The following GRHL2 variants were observed in gnomAD, a reference collection of about 807,000 sequenced individuals.
The protein encoded by GRHL2 is grainyhead-like protein 2 homolog.
Under a neutral mutation model 83.8 loss-of-function variants are expected in GRHL2, and 21 were observed. The observed-to-expected ratio is 0.25, with a 90% confidence interval of 0.18 to 0.36. The LOEUF (loss-of-function observed/expected upper bound fraction) is 0.36, where lower values mean the gene tolerates loss of function less well. GRHL2 is among the 10% of genes least tolerant of loss of function. The probability of loss-of-function intolerance (pLI) is 1.00; values close to 1 mark genes in which losing one functional copy is unlikely to be tolerated. For missense variants in GRHL2, 623 were observed against 781.8 expected, an observed-to-expected ratio of 0.80 and a Z score of 2.42; for synonymous variants, 280 against 278.9, an observed-to-expected ratio of 1.00 and a Z score of -0.04.
rs1055731043 is a variant in GRHL2, at chr8:101,509,637, G to GAT, written c.20+16859_20+16860dup. 1.7e-4 allele frequency among the ~76,000 whole-genome samples: 26 copies of GAT among 152,072 alleles called. 1 individual carries two copies. Among genetic ancestry groups the GAT allele is most frequent in the Admixed American group, 7.9e-4 (12 of 15,270 alleles). On this transcript the variant is annotated intron_variant, in intron 1 of 15. Coordinates refer to ENST00000646743, the MANE Select transcript of GRHL2 (RefSeq NM_024915.4). The stretch of plus-strand genomic sequence containing the variant: ...TTTTCCTCTTATGGTTAGCCTTTTA[G>GAT]ATATATATATATTTTTTCCTCTACA...
At chr8:101,600,973 G>A (rs1251974397) in intron 8 of GRHL2, among the ~76,000 whole-genome samples, 2 of 152,078 alleles carry the variant, frequency 1.3e-5, no homozygotes, top group African/African-American at 4.8e-5. Context: ...CCTGGGTAAA[G>A]TAGGGAGACC....
chr8:101,507,459 A>G (rs1243903335), intron 1 of GRHL2, among the ~76,000 whole-genome samples: 1 of 152,160 alleles, frequency 6.6e-6, no homozygotes, highest in Non-Finnish European at 1.5e-5. Flanking sequence ...GTATCAGAAA[A>G]TAACACTTTT....
At chr8:101,570,431 A>G (rs1461506863) in intron 5 of GRHL2, 37 bp downstream of exon 5, 25 of 1,497,526 alleles carry the variant, frequency 1.7e-5, no homozygotes, top group Non-Finnish European at 2.2e-5. Context: ...GAAACTGATT[A>G]ACTGATAAAC....
chr8:101,634,131 C>G (rs993977236), intron 11 of GRHL2, among the ~76,000 whole-genome samples: 1 of 152,108 alleles, frequency 6.6e-6, no homozygotes, highest in African/African-American at 2.4e-5. Context: ...CCAATCAGCA[C>G]CCCCCTGTAT....
At chr8:101,678,561 G>A in the GRHL2 span, among the ~76,000 whole-genome samples, 1 of 151,714 alleles carries the variant, frequency 6.6e-6, no homozygotes, top group Non-Finnish European at 1.5e-5. Flanking sequence ...CGGGAAGCTC[G>A]AACTGGGTGG....
At position 101,592,100 on chromosome 8, in the gene GRHL2, C is replaced by CTTTTTTTTTTT. The variant is rs11382067; in HGVS notation, c.1004-6945_1004-6935dup. On this transcript the variant is annotated intron_variant, in intron 7 of 15. Transcript: ENST00000646743. ...GTACAGCACTTTCTTTCTTTCTTTT[C>CTTTTTTTTTTT]TTTTTTTTTTTTTTTTTTTTTTGAG... Among the ~76,000 whole-genome samples the CTTTTTTTTTTT allele has an allele frequency of 2.5e-3, 222 of 90,298 alleles. 6 individuals are homozygous for CTTTTTTTTTTT. Among genetic ancestry groups the CTTTTTTTTTTT allele is most frequent in the African/African-American group, 4.3e-3 (95 of 21,910 alleles). The allele number at this position is 90,298 out of a possible 152,430, so 59.2% of individuals were successfully genotyped here.
chr8:101,536,677 G>A (rs1811052204), intron 1 of GRHL2, among the ~76,000 whole-genome samples: 1 of 152,138 alleles, frequency 6.6e-6, no homozygotes, highest in Non-Finnish European at 1.5e-5. Flanking sequence ...GAGTGACTGG[G>A]GACAGATAAT....
In GRHL2 at chr8:101,669,254, C is replaced by CTTTTTTTCTTTTTTTTTTTTTT. The variant is rs538261454; in HGVS notation, c.*2558_*2559insCTTTTTTTTTTTTTTTTTTTTT. 3 of 126,624 alleles carry CTTTTTTTCTTTTTTTTTTTTTT rather than the reference C, an allele frequency of 2.4e-5. No homozygotes were observed. Among genetic ancestry groups the CTTTTTTTCTTTTTTTTTTTTTT allele is most frequent in the Non-Finnish European group, 4.9e-5 (3 of 61,468 alleles). The allele number at this position is 126,624 out of a possible 1,614,324, so 7.8% of individuals were successfully genotyped here. A position where few individuals can be genotyped will look rare whatever the true frequency, so the allele number is the denominator to read the frequency against. Reference sequence around the variant, plus strand: ...GGACATGTGAAATGAGCATTTTTTTCTTTTTTTTTTTTAACAAAGTCTGAA... The same window carrying CTTTTTTTCTTTTTTTTTTTTTT: ...GGACATGTGAAATGAGCATTTTTTTCTTTTTTTCTTTTTTTTTTTTTTTTTTTTTTTTTTAACAAAGTCTGAA... On this transcript the variant is annotated 3_prime_UTR_variant, in exon 16 of 16. Coordinates refer to ENST00000646743, the MANE Select transcript of GRHL2 (RefSeq NM_024915.4).
Position 101,667,998 on chromosome 8 carries a change from C to T in GRHL2, c.*1295C>T, listed in dbSNP as rs1814112491. 6.6e-6 allele frequency: 1 copy of T among 152,652 alleles called. No homozygotes were observed. The highest frequency in any genetic ancestry group is 1.5e-5 in the Non-Finnish European group (1 of 68,098). The allele number at this position is 152,652 out of a possible 1,614,324, so 9.5% of individuals were successfully genotyped here. On this transcript the variant is annotated 3_prime_UTR_variant, in exon 16 of 16. Coordinates refer to ENST00000646743, the MANE Select transcript of GRHL2 (RefSeq NM_024915.4). ...TGGAAAGGGGGTATTGTTTGCCTCACTCCTGGATGCTGCGTTTTAAGGAAG... is the reference window on the plus strand; with the variant it reads ...TGGAAAGGGGGTATTGTTTGCCTCATTCCTGGATGCTGCGTTTTAAGGAAG...
chr8:101,552,665 G>T (rs369740437), intron 2 of GRHL2, 50 bp from the exon 3 acceptor site: 2 of 1,559,716 alleles, frequency 1.3e-6, no homozygotes, highest in Non-Finnish European at 1.8e-6. Flanking sequence ...TCTGAACATG[G>T]TCATGGTTGC....
intron 1 of GRHL2, among the ~76,000 whole-genome samples, chr8:101,504,975 G>GAAA (rs34007500): frequency 3.5e-5 from 4 of 113,050 alleles, no homozygotes; most frequent in East Asian, 2.4e-4. Flanking sequence ...ATTGCATTAG[G>GAAA]AAAAAAAAAA....
rs1811442125 is a variant in GRHL2 at position 101,554,029 on chromosome 8, G to A, written c.284+1247G>A. On this transcript the variant is annotated intron_variant, in intron 3 of 15. Coordinates refer to ENST00000646743, the MANE Select transcript of GRHL2 (RefSeq NM_024915.4). ...TTTTCTATTGGAGGTTCTTCCATAT[G>A]GAAGTAAAATCCCCTACTAGCACAT... Among the ~76,000 whole-genome samples the A allele has an allele frequency of 2.0e-5, 3 of 152,212 alleles. No homozygotes were observed. The South Asian group carries it at 6.2e-4, about 32-fold the overall frequency.
At chr8:101,673,211 C>T (rs970783372), downstream of GRHL2, among the ~76,000 whole-genome samples, 2 of 151,416 alleles carry the variant, frequency 1.3e-5, no homozygotes, top group East Asian at 1.9e-4. Context: ...CAATATTAAC[C>T]TTAAATGTAA....
intron 6 of GRHL2, among the ~76,000 whole-genome samples, chr8:101,576,659 G>T (rs1811939613): frequency 6.6e-6 from 1 of 152,112 alleles, no homozygotes; most frequent in Non-Finnish European, 1.5e-5. Context: ...TTGGAAGAGG[G>T]TTGTTTTTGG....
chr8:101,603,261 C>T (rs944671199), intron 8 of GRHL2, among the ~76,000 whole-genome samples: 1 of 152,046 alleles, frequency 6.6e-6, no homozygotes, highest in Non-Finnish European at 1.5e-5. Flanking sequence ...ATTGGAGAAA[C>T]CTGTATGTCT....
chr8:101,678,615 C>T, the GRHL2 span, among the ~76,000 whole-genome samples: 2 of 151,304 alleles, frequency 1.3e-5, no homozygotes, highest in Non-Finnish European at 3.0e-5. Flanking sequence ...CTGTAGGCTC[C>T]ACCTCTGGGG....
At chr8:101,520,200 G>A (rs1163788590) in intron 1 of GRHL2, among the ~76,000 whole-genome samples, 5 of 152,182 alleles carry the variant, frequency 3.3e-5, no homozygotes, top group African/African-American at 9.7e-5. Flanking sequence ...AAAGACAGAG[G>A]TGGAGTCCAA....
At chr8:101,545,152 C>G (rs1811234581) in intron 2 of GRHL2, among the ~76,000 whole-genome samples, 1 of 152,098 alleles carries the variant, frequency 6.6e-6, no homozygotes, top group Non-Finnish European at 1.5e-5. Flanking sequence ...ATTGCTAACT[C>G]AAATAAATGC....
chr8:101,663,062 A>G (rs975425709), intron 14 of GRHL2, among the ~76,000 whole-genome samples: 1 of 152,268 alleles, frequency 6.6e-6, no homozygotes, highest in African/African-American at 2.4e-5. Context: ...TGTTATACGC[A>G]GTTTTCTCTA....
Sources: allele counts gnomAD v4.1 joint callset (sites outside exome capture counted in the v4.1 genomes callset), GRCh38; gene constraint gnomAD v4.1.1; transcripts MANE v1.5; gene names NCBI Gene and HGNC (gene_info 2026-07-23, HGNC 2026-07-21).